The following SV2C variants were observed in gnomAD, a reference collection of about 807,000 sequenced individuals.
SV2C encodes synaptic vesicle glycoprotein 2C.
Under a neutral mutation model 79.7 loss-of-function variants are expected in SV2C, and 49 were observed. That is an observed-to-expected ratio of 0.61 (90% CI 0.49 to 0.78). The LOEUF (loss-of-function observed/expected upper bound fraction) is 0.78. Among genes scored for constraint, SV2C ranks in the 30% least tolerant of loss-of-function variants. The probability of loss-of-function intolerance (pLI) is 0.00; values close to 1 mark genes in which losing one functional copy is unlikely to be tolerated. For missense variants in SV2C, 833 were observed against 912.9 expected (o/e 0.91, Z 1.13); for synonymous variants, 334 against 333.2 (o/e 1.00, Z -0.03).
chr5:76,158,503 A>T (rs931014153), intron 2 of SV2C, among the ~76,000 whole-genome samples: 5 of 151,980 alleles, frequency 3.3e-5, no homozygotes, highest in Admixed American at 1.3e-4. Flanking sequence ...TGATATAACA[A>T]TTATAGACAT....
chr5:76,335,328 T>C (rs1284084997), downstream of SV2C, among the ~76,000 whole-genome samples: 3 of 151,952 alleles, frequency 2.0e-5, no homozygotes, highest in Admixed American at 6.6e-5. Flanking sequence ...TCGCTCTATA[T>C]AGATCTTAAC....
chr5:76,230,137 A>C (rs182902821), intron 4 of SV2C, among the ~76,000 whole-genome samples: 2 of 152,336 alleles, frequency 1.3e-5, no homozygotes, highest in Admixed American at 1.3e-4. Context: ...AAAGCAGCTG[A>C]GTGTAAAGGA....
chr5:76,069,392 A>G, the SV2C span, among the ~76,000 whole-genome samples: 2 of 152,096 alleles, frequency 1.3e-5, no homozygotes, highest in Non-Finnish European at 2.9e-5. Flanking sequence ...GTATCTCTCC[A>G]TGTTGCACTC....
At chr5:75,960,980 G>A in the SV2C span, among the ~76,000 whole-genome samples, 1 of 151,932 alleles carries the variant, frequency 6.6e-6, no homozygotes, top group Non-Finnish European at 1.5e-5. Context: ...GGAACTCTGT[G>A]TTATGTCTCT....
the SV2C span, among the ~76,000 whole-genome samples, chr5:75,905,106 TATGATC>T: frequency 6.6e-6 from 1 of 152,246 alleles, no homozygotes; most frequent in African/African-American, 2.4e-5. Flanking sequence ...CATATTATAT[TATGATC>T]ATGAAGTCAT....
chr5:76,048,792 C>A, the SV2C span, among the ~76,000 whole-genome samples: 8 of 134,558 alleles, frequency 5.9e-5, no homozygotes, highest in African/African-American at 9.0e-5. Context: ...CCTGATGAAC[C>A]TTTTTCAGCC....
chr5:75,987,418 A>C, the SV2C span, among the ~76,000 whole-genome samples: 1 of 151,912 alleles, frequency 6.6e-6, no homozygotes, highest in Non-Finnish European at 1.5e-5. Flanking sequence ...TTCAGGTACA[A>C]CATCTATCTT....
intron 12 of SV2C, among the ~76,000 whole-genome samples, chr5:76,348,736 C>T (rs780701952): frequency 6.6e-6 from 1 of 152,208 alleles, no homozygotes; most frequent in Non-Finnish European, 1.5e-5. Context: ...CATGGTGGCT[C>T]ATGCCTGTAA....
At chr5:76,215,001 C>T (rs1744874119) in intron 4 of SV2C, among the ~76,000 whole-genome samples, 1 of 152,058 alleles carries the variant, frequency 6.6e-6, no homozygotes, top group Non-Finnish European at 1.5e-5. Context: ...ATTTTGATTC[C>T]CTTTCTTTCT....
At chr5:75,911,456 C>G in the SV2C span, 4 of 948,202 alleles carry the variant, frequency 4.2e-6, no homozygotes, top group Non-Finnish European at 6.5e-6. Context: ...AACCCCAGGC[C>G]CTCCTCAGGG....
intron 4 of SV2C, among the ~76,000 whole-genome samples, chr5:76,254,890 A>C (rs975303925): frequency 6.6e-6 from 1 of 152,244 alleles, no homozygotes; most frequent in Non-Finnish European, 1.5e-5. Context: ...TGAGACAGGC[A>C]TATTGGCTGG....
chr5:75,957,292 C>T, the SV2C span, among the ~76,000 whole-genome samples: 1 of 151,886 alleles, frequency 6.6e-6, no homozygotes, highest in African/African-American at 2.4e-5. Context: ...ATGTTGGTTC[C>T]CAGTGTATCT....
chr5:75,886,242 A>C, the SV2C span, among the ~76,000 whole-genome samples: 2 of 152,146 alleles, frequency 1.3e-5, no homozygotes, highest in East Asian at 3.9e-4. Flanking sequence ...CCTTTGATTC[A>C]GCTCTTTAAT....
At chr5:76,014,828 G>T in the SV2C span, among the ~76,000 whole-genome samples, 8,074 of 152,166 alleles carry the variant, frequency 0.053, 665 homozygotes, top group African/African-American at 0.17. Context: ...CTACGTTTAC[G>T]ACAGCCCATC....
At position 76,132,086 on chromosome 5, in the gene SV2C, C is replaced by G; in HGVS notation, c.336C>G (p.Pro112=). ...ACAGCATCGTGTCAGTGGGGCAGCCCAAGGGCGATGAGTACAAGGACCGGC... is the reference window on the plus strand; with the variant it reads ...ACAGCATCGTGTCAGTGGGGCAGCCGAAGGGCGATGAGTACAAGGACCGGC... ...AKDSIVSVGQ[P]KGDEYKDRRE... is the part of the protein sequence containing the mutation. Residue 112 remains proline (P), a synonymous_variant, in exon 2 of 13, where the codon CCC becomes CCG. Coordinates refer to ENST00000502798, the MANE Select transcript of SV2C (RefSeq NM_014979.4). 6.2e-7 allele frequency: 1 copy of G among 1,613,152 alleles called. No individual in the cohort carries two copies. The highest frequency in any genetic ancestry group is 1.1e-5 in the South Asian group (1 of 90,952).
the SV2C span, among the ~76,000 whole-genome samples, chr5:75,917,784 TA>T: frequency 2.0e-5 from 3 of 152,068 alleles, no homozygotes; most frequent in Admixed American, 1.3e-4. Flanking sequence ...TAGTCAATAA[TA>T]ACTTAGTTGC....
chr5:76,348,189 A>G (rs558679768), intron 12 of SV2C, among the ~76,000 whole-genome samples: 5 of 152,046 alleles, frequency 3.3e-5, no homozygotes, highest in Non-Finnish European at 7.4e-5. Flanking sequence ...GCCTTTTCAG[A>G]TTGGCTTTTT....
intron 12 of SV2C, among the ~76,000 whole-genome samples, chr5:76,341,183 G>A (rs1039479071): frequency 6.6e-6 from 1 of 151,944 alleles, no homozygotes; most frequent in Non-Finnish European, 1.5e-5. Flanking sequence ...CACCCACCTC[G>A]GCCTCCCAAA....
chr5:76,064,856 A>C, the SV2C span, among the ~76,000 whole-genome samples: 1 of 152,190 alleles, frequency 6.6e-6, no homozygotes, highest in South Asian at 2.1e-4. Flanking sequence ...TTTAAGATCA[A>C]ACACATCTAA....
Sources: allele counts gnomAD v4.1 joint callset (sites outside exome capture counted in the v4.1 genomes callset), GRCh38; gene constraint gnomAD v4.1.1; transcripts MANE v1.5; gene names NCBI Gene and HGNC (gene_info 2026-07-23, HGNC 2026-07-21).